PCDHGB3: variants seen among roughly 807,000 people sequenced by gnomAD.
PCDHGB3 encodes protocadherin gamma-B3.
In PCDHGB3, 40 loss-of-function variants were observed where a neutral mutation model predicts 59.2. The observed-to-expected ratio is 0.68, with a 90% CI of 0.52 to 0.88. The LOEUF is 0.88. Among genes scored for constraint, PCDHGB3 ranks in the 40% least tolerant of loss-of-function variants. PCDHGB3 has a pLI of 0.00. For missense variants in PCDHGB3, 1,309 were observed against 1,187.9 expected, an observed-to-expected ratio of 1.10 and a Z score of -1.50; for synonymous variants, 581 against 503.6, an observed-to-expected ratio of 1.15 and a Z score of -2.06.
Position 141,388,496 on chromosome 5 carries a change from G to C in PCDHGB3, c.2415+15687G>C. The stretch of plus-strand genomic sequence containing the variant: ...TGAAGACACCTTTGGACAGAGAAAA[G>C]CAGAAATCCTACCACTTGACTTTGA... On this transcript the variant is annotated intron_variant, in intron 1 of 3. Coordinates refer to ENST00000576222, the MANE Select transcript of PCDHGB3 (RefSeq NM_018924.5). 1 of 1,613,828 alleles carries C rather than the reference G, an allele frequency of 6.2e-7. No individual in the cohort carries two copies. Among genetic ancestry groups the C allele is most frequent in the Admixed American group, 1.7e-5 (1 of 60,022 alleles).
chr5:141,470,721 AG>A (rs948288535), intron 1 of PCDHGB3, among the ~76,000 whole-genome samples: 2 of 152,098 alleles, frequency 1.3e-5, no homozygotes, highest in African/African-American at 4.8e-5. Flanking sequence ...TTTTTGAGTC[AG>A]GGTCTTGCTC....
rs1011504923 is a variant in PCDHGB3, at chr5:141,408,109, C to A, written c.2415+35300C>A. ...GGATTGCCAGCTCCGAGACCCGGGA[C>A]TCCTCCTGTCCTGGGCCGAATGCTC... is the stretch of plus-strand genomic sequence containing the variant. On this transcript the variant is annotated intron_variant, in intron 1 of 3. Transcript: ENST00000576222. 6 of 1,445,662 alleles carry A rather than the reference C, an allele frequency of 4.2e-6. No homozygotes were observed. In the African/African-American group the frequency reaches 5.7e-5, roughly 14 times the overall value. 89.6% of individuals were successfully genotyped at this position (1,445,662 alleles called of 1,614,324 possible). A position where few individuals can be genotyped will look rare whatever the true frequency, so the allele number is the denominator to read the frequency against.
chr5:141,393,526 A>G, intron 1 of PCDHGB3: 3 of 1,613,974 alleles, frequency 1.9e-6, no homozygotes, highest in East Asian at 2.2e-5. Context: ...ACAAATGACA[A>G]TGCCCCGGTT....
Position 141,477,914 on chromosome 5 carries a change from G to T in PCDHGB3, c.2416-16893G>T. On this transcript the variant is annotated intron_variant, in intron 1 of 3. Coordinates refer to ENST00000576222, the MANE Select transcript of PCDHGB3 (RefSeq NM_018924.5). The surrounding 1 kb of genome is among the most constrained non-coding windows in gnomAD (Gnocchi z 4.9). ...ACGGGTGGTAGGCTGGGACGCGGAT[G>T]CAGGGCACAATGCCTGGCTCTCCTA... 2 of 1,614,204 alleles carry T rather than the reference G, an allele frequency of 1.2e-6. No homozygotes were observed. The highest frequency in any genetic ancestry group is 1.7e-6 in the Non-Finnish European group (2 of 1,180,044).
chr5:141,417,936 A>G (rs1266177574), intron 1 of PCDHGB3: 3 of 1,612,080 alleles, frequency 1.9e-6, no homozygotes, highest in Non-Finnish European at 1.7e-6. Flanking sequence ...CCTTTGTTCT[A>G]CCCCACGCTG....
At chr5:141,455,874 T>C (rs2098834969) in intron 1 of PCDHGB3, among the ~76,000 whole-genome samples, 1 of 146,458 alleles carries the variant, frequency 6.8e-6, no homozygotes, top group South Asian at 2.1e-4. Flanking sequence ...TTTATTTATT[T>C]ATTTATTTAT....
chr5:141,426,794 G>C (rs1319220934), intron 1 of PCDHGB3: 1 of 456,708 alleles, frequency 2.2e-6, no homozygotes, highest in East Asian at 6.9e-5. Flanking sequence ...AGAGTTACCA[G>C]CTCAGTTCTA....
intron 1 of PCDHGB3, chr5:141,410,438 G>A (rs957017717): frequency 2.5e-6 from 4 of 1,613,894 alleles, no homozygotes; most frequent in African/African-American, 2.7e-5. Flanking sequence ...CTACAGTGAG[G>A]GGACTTTGCC....
intron 1 of PCDHGB3, chr5:141,427,552 C>T (rs1233231671): frequency 1.5e-6 from 1 of 645,244 alleles, no homozygotes; most frequent in South Asian, 1.5e-5. Context: ...ATCACTGCCA[C>T]TGACAAGGGC....
Position 141,393,873 on chromosome 5 carries a change from A to G in PCDHGB3, c.2415+21064A>G, listed in dbSNP as rs759255236. The G allele has an allele frequency of 1.9e-6, 3 of 1,613,916 alleles. No individual in the cohort carries two copies. In the Admixed American group the frequency reaches 5.0e-5, roughly 27 times the overall value. On this transcript the variant is annotated intron_variant, in intron 1 of 3. Coordinates refer to ENST00000576222, the MANE Select transcript of PCDHGB3 (RefSeq NM_018924.5). ...AGAAGTGATCATTACGTCTTTGTTT[A>G]GCCCAGTGTTAGAAAATTCTCTTCC...
Position 141,371,942 on chromosome 5 carries a change from G to T in PCDHGB3, c.1548G>T (p.Ala516=), listed in dbSNP as rs902262957. The T allele has an allele frequency of 6.2e-7, 1 of 1,613,292 alleles. No individual in the cohort carries two copies. The highest frequency in any genetic ancestry group is 8.5e-7 in the Non-Finnish European group (1 of 1,179,894). The change falls in exon 1 of 4, where the codon GCG becomes GCT. Residue 516 remains alanine, a synonymous_variant. Transcript: ENST00000576222. ...GCGCGCGGAGCGGGGTGGTGTTCGC[G>T]CAGCGAGCCTTCGACCACGAGCAGC... is the stretch of plus-strand genomic sequence containing the variant. ...SVSARSGVVF[A]QRAFDHEQLR... is the part of the protein sequence containing the mutation.
In PCDHGB3 at chr5:141,432,654, T is replaced by C. The variant is rs2097525297; in HGVS notation, c.2415+59845T>C. ...GGCGAGGTGCGCACGGCGCGAGCCC[T>C]GCTGGACAGAGACGCGCTCAAGCAG... is the stretch of plus-strand genomic sequence containing the variant. On this transcript the variant is annotated intron_variant, in intron 1 of 3. Transcript: ENST00000576222. This position sits in a 1 kb window ranked among gnomAD's most constrained non-coding sequence, Gnocchi z 6.0. The C allele has an allele frequency of 1.2e-6, 2 of 1,613,816 alleles. No homozygotes were observed. Among genetic ancestry groups the C allele is most frequent in the African/African-American group, 1.3e-5 (1 of 75,034 alleles).
chr5:141,380,816 A>T (rs546532723), intron 1 of PCDHGB3, among the ~76,000 whole-genome samples: 1 of 152,256 alleles, frequency 6.6e-6, no homozygotes, highest in Non-Finnish European at 1.5e-5. Flanking sequence ...AGATGAAACT[A>T]TGAATTTTGA....
At chr5:141,414,046 A>G (rs780040293) in intron 1 of PCDHGB3, 1 of 1,611,254 alleles carries the variant, frequency 6.2e-7, no homozygotes, top group Non-Finnish European at 8.5e-7. Context: ...ATTACCTGAC[A>G]CGCAATTGTT....
rs1028054307 is a variant in PCDHGB3 at position 141,417,708 on chromosome 5, G to A, written c.2415+44899G>A. The A allele has an allele frequency of 2.4e-5, 29 of 1,227,762 alleles. No homozygotes were observed. In the South Asian group the frequency reaches 2.9e-4, roughly 12 times the overall value. 76.1% of individuals were successfully genotyped at this position (1,227,762 alleles called of 1,614,324 possible). On this transcript the variant is annotated intron_variant, in intron 1 of 3. Transcript: ENST00000576222. ...AAAGAAAACCAGCTCCCACACAGAG[G>A]CTCCCGGCTGCGCAGACCTTGCCCA... is the stretch of plus-strand genomic sequence containing the variant.
Position 141,490,909 on chromosome 5 carries a change from G to T in PCDHGB3, c.2416-3898G>T. 4 of 1,613,744 alleles carry T rather than the reference G, an allele frequency of 2.5e-6. No individual in the cohort carries two copies. Among genetic ancestry groups the T allele is most frequent in the Non-Finnish European group, 3.4e-6 (4 of 1,179,762 alleles). ...ATCTCTGCATGTGTTTGTCCTAGAC[G>T]AGAATGATAATGCCCCAGCTGTGCT... On this transcript the variant is annotated intron_variant, in intron 1 of 3. Transcript: ENST00000576222. The surrounding 1 kb of genome is among the most constrained non-coding windows in gnomAD (Gnocchi z 5.4).
At chr5:141,395,340 G>A in intron 1 of PCDHGB3, 2 of 1,419,480 alleles carry the variant, frequency 1.4e-6, no homozygotes, top group Non-Finnish European at 1.9e-6. Context: ...TAATTTTTAA[G>A]GTGTATCACA....
chr5:141,410,849 C>CTTTTTTTTTTTT lies in PCDHGB3; in HGVS notation c.2415+38051_2415+38062dup. The CTTTTTTTTTTTT allele has an allele frequency of 2.7e-3, 375 of 138,154 alleles. 24 individuals are homozygous for CTTTTTTTTTTTT. The highest frequency in any genetic ancestry group is 6.9e-3 in the African/African-American group (114 of 16,622). 8.6% of individuals were successfully genotyped at this position (138,154 alleles called of 1,614,324 possible). ...CAGACTGAAGATATTTTGTCTTTGTCTTTTTTTTTTTTTTTTTTTTTTGAG... is the reference window on the plus strand; with the variant it reads ...CAGACTGAAGATATTTTGTCTTTGTCTTTTTTTTTTTTTTTTTTTTTTTTTTTTTTTTTTGAG... On this transcript the variant is annotated intron_variant, in intron 1 of 3. Coordinates refer to ENST00000576222, the MANE Select transcript of PCDHGB3 (RefSeq NM_018924.5).
chr5:141,422,853 C>T (rs746989617), intron 1 of PCDHGB3: 8 of 1,614,264 alleles, frequency 5.0e-6, no homozygotes, highest in South Asian at 3.3e-5. Flanking sequence ...GGGACCCGCC[C>T]CTCAGCAGCA....
Sources: gnomAD v4.1 joint callset for allele counts (sites outside exome capture counted in the v4.1 genomes callset) on GRCh38, gnomAD v4.1.1 for gene constraint, Gnocchi (gnomAD v3.1) non-coding constraint, MANE v1.5 for transcripts, NCBI Gene and HGNC (gene_info 2026-07-23, HGNC 2026-07-21) for gene names.